AGBL4: variants seen among roughly 807,000 people sequenced by gnomAD.
AGBL4 encodes AGBL carboxypeptidase 4.
A neutral mutation model predicts 66.4 loss-of-function variants in AGBL4; 58 were observed. The ratio of observed to expected loss-of-function variants is 0.87; its 90% CI spans 0.71 to 1.09. AGBL4 has a LOEUF of 1.09. AGBL4 is among the 50% of genes least tolerant of loss of function. The probability of loss-of-function intolerance (pLI) is 0.00; values close to 1 mark genes in which losing one functional copy is unlikely to be tolerated. For missense variants in AGBL4, 579 were observed against 631.0 expected, an observed-to-expected ratio of 0.92 and a Z score of 0.88; for synonymous variants, 234 against 222.9, an observed-to-expected ratio of 1.05 and a Z score of -0.44.
intron 3 of AGBL4, among the ~76,000 whole-genome samples, chr1:49,436,850 T>A (rs1645915079): frequency 6.6e-6 from 1 of 152,164 alleles, no homozygotes; most frequent in Admixed American, 6.5e-5. Context: ...TGGTTAAGAA[T>A]ATATGTTAAA....
At chr1:49,085,155 A>G (rs1289635888) in intron 4 of AGBL4, among the ~76,000 whole-genome samples, 1 of 152,122 alleles carries the variant, frequency 6.6e-6, no homozygotes, top group African/African-American at 2.4e-5. Context: ...TAAAACAAAA[A>G]AGCAGGAGAG....
At chr1:48,562,671 T>C (rs554909991) in intron 11 of AGBL4, among the ~76,000 whole-genome samples, 10 of 152,218 alleles carry the variant, frequency 6.6e-5, no homozygotes, top group African/African-American at 2.4e-4. Context: ...TTGGAGAAAA[T>C]GATATTTATC....
chr1:49,516,406 T>C (rs1649828343), intron 3 of AGBL4, among the ~76,000 whole-genome samples: 1 of 151,976 alleles, frequency 6.6e-6, no homozygotes, highest in African/African-American at 2.4e-5. Context: ...GAAATACTTG[T>C]AGATAAAAAA....
At chr1:48,769,803 T>C (rs891867222) in intron 6 of AGBL4, among the ~76,000 whole-genome samples, 4 of 152,196 alleles carry the variant, frequency 2.6e-5, no homozygotes, top group Non-Finnish European at 5.9e-5. Context: ...CTCCATGCTA[T>C]AGATGAGCAC....
intron 4 of AGBL4, among the ~76,000 whole-genome samples, chr1:49,170,116 G>T (rs1383910852): frequency 6.7e-6 from 1 of 149,980 alleles, no homozygotes; most frequent in African/African-American, 2.5e-5. Context: ...AAAACCACAT[G>T]TACCCCAAAA....
chr1:49,920,259 A>G (rs1366041271), intron 1 of AGBL4, among the ~76,000 whole-genome samples: 2 of 152,222 alleles, frequency 1.3e-5, no homozygotes, highest in Non-Finnish European at 2.9e-5. Context: ...TAAACTAAAG[A>G]GCTTCTGCAC....
intron 9 of AGBL4, among the ~76,000 whole-genome samples, chr1:48,619,403 G>A (rs1024675921): frequency 2.0e-5 from 3 of 152,126 alleles, no homozygotes; most frequent in African/African-American, 7.2e-5. Flanking sequence ...CCGAGCCTTA[G>A]TTTTCTCACC....
At chr1:49,299,909 C>G (rs1325235127) in intron 3 of AGBL4, among the ~76,000 whole-genome samples, 2 of 151,816 alleles carry the variant, frequency 1.3e-5, no homozygotes, top group African/African-American at 4.8e-5. Context: ...ATGTGGTACT[C>G]TCATTAATTT....
rs368123677 is a variant in AGBL4, at chr1:49,764,898, G to A, written c.158-67461C>T. ...GTCCAGAGACAGACTAATGCAGTAC[G>A]TATCTGAACTAGGAGTCAGAGCCAT... On this transcript the variant is annotated intron_variant, in intron 2 of 13. Transcript: ENST00000371839. Among the ~76,000 whole-genome samples, 55 of 152,212 alleles carry A rather than the reference G, an allele frequency of 3.6e-4. 1 individual carries two copies. The South Asian group carries it at 9.5e-3, about 26-fold the overall frequency.
chr1:49,758,473 G>T (rs540781993), intron 2 of AGBL4, among the ~76,000 whole-genome samples: 1 of 152,130 alleles, frequency 6.6e-6, no homozygotes, highest in Admixed American at 6.5e-5. Flanking sequence ...GGCACTCAAT[G>T]CCAGCCTATG....
At chr1:48,668,014 T>C (rs1157602953) in intron 6 of AGBL4, among the ~76,000 whole-genome samples, 1 of 151,802 alleles carries the variant, frequency 6.6e-6, no homozygotes, top group East Asian at 1.9e-4. Flanking sequence ...TTGTTGTTGT[T>C]GTTGTTGTTG....
intron 4 of AGBL4, among the ~76,000 whole-genome samples, chr1:49,240,350 C>T (rs767447844): frequency 6.6e-6 from 1 of 151,940 alleles, no homozygotes; most frequent in Non-Finnish European, 1.5e-5. Context: ...CTCCATCCTC[C>T]AACTCACTCC....
chr1:49,953,141 C>T (rs192690668), intron 1 of AGBL4, among the ~76,000 whole-genome samples: 2 of 152,060 alleles, frequency 1.3e-5, no homozygotes, highest in Non-Finnish European at 2.9e-5. Flanking sequence ...AAAAATTATG[C>T]TTCAAATCTT....
At chr1:49,519,978 G>T (rs1650127425) in intron 3 of AGBL4, among the ~76,000 whole-genome samples, 1 of 152,026 alleles carries the variant, frequency 6.6e-6, no homozygotes, top group South Asian at 2.1e-4. Context: ...AGAAGTGAGG[G>T]CCCCAGTAGT....
At chr1:48,527,851 G>A in the AGBL4 span, among the ~76,000 whole-genome samples, 48 of 152,184 alleles carry the variant, frequency 3.2e-4, no homozygotes, top group African/African-American at 9.9e-4. Context: ...CACAAAAGTC[G>A]GATGATATCC....
intron 5 of AGBL4, among the ~76,000 whole-genome samples, chr1:49,018,921 C>T (rs1663027657): frequency 6.6e-6 from 1 of 152,090 alleles, no homozygotes; most frequent in African/African-American, 2.4e-5. Context: ...AATATTTGAC[C>T]CTGTTATTCC....
chr1:49,387,528 T>C (rs1456780625), intron 3 of AGBL4, among the ~76,000 whole-genome samples: 1 of 151,896 alleles, frequency 6.6e-6, no homozygotes. Context: ...TATGATTCCA[T>C]TGAGATTTTA....
At chr1:49,816,785 A>G (rs773525344) in intron 2 of AGBL4, among the ~76,000 whole-genome samples, 1 of 152,190 alleles carries the variant, frequency 6.6e-6, no homozygotes, top group Non-Finnish European at 1.5e-5. Flanking sequence ...CAGCATCTCT[A>G]ATACTGCTCA....
chr1:49,231,397 C>G (rs1650297851), intron 4 of AGBL4, among the ~76,000 whole-genome samples: 1 of 152,164 alleles, frequency 6.6e-6, no homozygotes, highest in Non-Finnish European at 1.5e-5. Flanking sequence ...AAGACTGGAT[C>G]CTATCCCAGA....
Sources: gnomAD v4.1 joint callset for allele counts (sites outside exome capture counted in the v4.1 genomes callset) on GRCh38, gnomAD v4.1.1 for gene constraint, MANE v1.5 for transcripts, NCBI Gene and HGNC (gene_info 2026-07-23, HGNC 2026-07-21) for gene names.